The following COQ4 variants were observed in gnomAD, a reference collection of about 807,000 sequenced individuals.
COQ4 encodes the protein ubiquinone biosynthesis protein COQ4 homolog, mitochondrial.
In COQ4, 36 loss-of-function variants were observed where a neutral mutation model predicts 30.2. The ratio of observed to expected loss-of-function variants is 1.19; its 90% CI spans 0.91 to 1.57. The LOEUF (loss-of-function observed/expected upper bound fraction) is 1.57, where lower values mean the gene tolerates loss of function less well. COQ4 is among the 40% of genes most tolerant of loss of function. The pLI, the probability that COQ4 is intolerant of heterozygous loss-of-function variation, is 0.00. For synonymous variants in COQ4, 197 were observed against 161.0 expected (o/e 1.22, Z -1.69); for missense variants, 369 against 371.9 (o/e 0.99, Z 0.07).
intron 6 of COQ4, 36 bp downstream of exon 6, chr9:128,332,979 G>T: frequency 6.6e-7 from 1 of 1,511,080 alleles, no homozygotes; most frequent in Non-Finnish European, 9.2e-7. Flanking sequence ...CGGGGTTGAG[G>T]GTGGTATCAG....
chr9:128,323,478 G>T (rs960500757), intron 2 of COQ4: 2 of 461,054 alleles, frequency 4.3e-6, no homozygotes, highest in Non-Finnish European at 7.5e-6. Context: ...AGTCAACTCC[G>T]AGGTCGAGGA....
rs746503078 is a variant in COQ4, at chr9:128,333,559, G to C, written c.712G>C (p.Glu238Gln). Residue 238 changes from glutamate to glutamine, a missense_variant, in exon 7 of 7, where the codon GAG (glutamate) becomes CAG (glutamine). Glu to Gln is a conservative substitution (Grantham distance 29). Coordinates refer to ENST00000300452, the MANE Select transcript of COQ4 (RefSeq NM_016035.5). ...RAPCVLNLYYERRWEQSLRAL... is the reference protein window; with the variant it reads ...RAPCVLNLYYQRRWEQSLRAL... ...CCCATGTGTCCTCAACCTGTACTATGAGCGGCGCTGGGAGCAGTCCCTGAG... is the reference window on the plus strand; with the variant it reads ...CCCATGTGTCCTCAACCTGTACTATCAGCGGCGCTGGGAGCAGTCCCTGAG... The C allele has an allele frequency of 1.9e-6, 3 of 1,611,124 alleles. No homozygotes were observed. The highest frequency in any genetic ancestry group is 1.7e-6 in the Non-Finnish European group (2 of 1,178,838).
In COQ4 at chr9:128,328,176, C is replaced by T. The variant is rs554641350; in HGVS notation, c.402+2295C>T. On this transcript the variant is annotated intron_variant, in intron 4 of 6. Coordinates refer to ENST00000300452, the MANE Select transcript of COQ4 (RefSeq NM_016035.5). Reference sequence around the variant, plus strand: ...TGGGCTGGAAGGGGAGCCAGGGCTGCGCCCTGTAGGCCACCAGAAGGAGGA... The same window carrying T: ...TGGGCTGGAAGGGGAGCCAGGGCTGTGCCCTGTAGGCCACCAGAAGGAGGA... Among the ~76,000 whole-genome samples, 588 of 152,346 alleles carry T rather than the reference C, an allele frequency of 3.9e-3. 1 individual carries two copies. Among genetic ancestry groups the T allele is most frequent in the Non-Finnish European group, 7.1e-3 (480 of 68,030 alleles).
At chr9:128,331,320 G>A (rs1175036908) in intron 4 of COQ4, 1 of 152,006 alleles carries the variant, frequency 6.6e-6, no homozygotes, top group Admixed American at 6.6e-5. Flanking sequence ...TAAACATCAA[G>A]GTACAGTTAT....
chr9:128,323,098 G>C lies in COQ4; in HGVS notation c.153G>C (p.Leu51=). Residue 51 remains leucine, a synonymous_variant, in exon 2 of 7, where the codon CTG becomes CTC. Coordinates refer to ENST00000300452, the MANE Select transcript of COQ4 (RefSeq NM_016035.5). ...HLPTSPLQKG[L]LAAGSAAMAL... is the part of the protein sequence containing the mutation. The stretch of plus-strand genomic sequence containing the variant: ...CCACCTCCCCGCTGCAGAAAGGGCT[G>C]TTGGCCGCCGGCTCCGCGGCGATGG... The C allele has an allele frequency of 3.7e-6, 6 of 1,611,484 alleles. No individual in the cohort carries two copies. Among genetic ancestry groups the C allele is most frequent in the Middle Eastern group, 1.7e-4 (1 of 6,044 alleles).
Position 128,333,073 on chromosome 9 carries a change from T to C in COQ4, c.626+130T>C, listed in dbSNP as rs1832442303. 3 of 729,416 alleles carry C rather than the reference T, an allele frequency of 4.1e-6. No homozygotes were observed. The South Asian group carries it at 4.7e-5, about 11-fold the overall frequency. 45.2% of individuals were successfully genotyped at this position (729,416 alleles called of 1,614,324 possible). On this transcript the variant is annotated intron_variant, in intron 6 of 6. Transcript: ENST00000300452. The stretch of plus-strand genomic sequence containing the variant: ...CAGCCCGTTCCAGTTCTCCAGGAAG[T>C]AAGGGTAGAAAGAATGGAGCAGAGA...
At position 128,334,044 on chromosome 9, in the gene COQ4, T is replaced by C. The variant is rs1029952136; in HGVS notation, c.*399T>C. 1 of 156,090 alleles carries C rather than the reference T, an allele frequency of 6.4e-6. No individual in the cohort carries two copies. The highest frequency in any genetic ancestry group is 6.6e-5 in the Admixed American group (1 of 15,264). The allele number at this position is 156,090 out of a possible 1,614,324, so 9.7% of individuals were successfully genotyped here. Reference sequence around the variant, plus strand: ...AGAGAGAAGTGGAGGGGGAGGCGAGTGTGTGAATAAAGGCTCCCATCAGGT... The same window carrying C: ...AGAGAGAAGTGGAGGGGGAGGCGAGCGTGTGAATAAAGGCTCCCATCAGGT... On this transcript the variant is annotated 3_prime_UTR_variant, in exon 7 of 7. Transcript: ENST00000300452.
chr9:128,326,734 C>T (rs563467780), intron 4 of COQ4, among the ~76,000 whole-genome samples: 7 of 152,010 alleles, frequency 4.6e-5, no homozygotes, highest in African/African-American at 4.8e-5. Context: ...TGAGCCACAG[C>T]GCCCGGCCCA....
At position 128,322,872 on chromosome 9, in the gene COQ4, T is replaced by C; in HGVS notation, c.14T>C (p.Leu5Pro). The change falls in exon 1 of 7, where the codon CTG (leucine) becomes CCG (proline). Residue 5 changes from leucine to proline, a missense_variant. Physicochemically the swap from Leu to Pro is moderately conservative, Grantham distance 98. Coordinates refer to ENST00000300452, the MANE Select transcript of COQ4 (RefSeq NM_016035.5). ...ACGCCCGCTGCCATGGCGACTCTGC[T>C]GCGCCCTGTCCTCCGTCGGCTCTGC... MATLLRPVLRRLCGL... is the reference protein window; with the variant it reads MATLPRPVLRRLCGL... 1 of 1,579,236 alleles carries C rather than the reference T, an allele frequency of 6.3e-7. No homozygotes were observed. Among genetic ancestry groups the C allele is most frequent in the Non-Finnish European group, 8.6e-7 (1 of 1,166,586 alleles).
chr9:128,331,965 G>A (rs541940764), intron 4 of COQ4, 188 bp from the exon 5 acceptor site: 276 of 575,398 alleles, frequency 4.8e-4, no homozygotes, highest in Non-Finnish European at 7.6e-4. Context: ...CTGATCTCAG[G>A]TGATCCGCCC....
intron 4 of COQ4, among the ~76,000 whole-genome samples, chr9:128,326,839 C>T (rs1363662100): frequency 2.6e-5 from 4 of 152,042 alleles, no homozygotes; most frequent in Non-Finnish European, 5.9e-5. Context: ...AACTCAGCTT[C>T]CTGGGTTCAA....
chr9:128,327,807 TA>T (rs199926522), intron 4 of COQ4, among the ~76,000 whole-genome samples: 2 of 151,528 alleles, frequency 1.3e-5, no homozygotes, highest in East Asian at 1.9e-4. Context: ...GTCTCAAAAA[TA>T]AAAAAAAGTA....
At chr9:128,327,143 A>G (rs548223368) in intron 4 of COQ4, among the ~76,000 whole-genome samples, 1 of 152,106 alleles carries the variant, frequency 6.6e-6, no homozygotes, top group Non-Finnish European at 1.5e-5. Flanking sequence ...AGACAATAAA[A>G]TAGTTTTTAA....
intron 4 of COQ4, among the ~76,000 whole-genome samples, chr9:128,329,377 TTTTA>T (rs904306468): frequency 3.3e-5 from 5 of 152,126 alleles, no homozygotes; most frequent in African/African-American, 7.2e-5. Context: ...TTTTCCTTAT[TTTTA>T]TTTATTTATT....
chr9:128,332,098 A>C, intron 4 of COQ4, 55 bp from the exon 5 acceptor site: 1 of 1,538,124 alleles, frequency 6.5e-7, no homozygotes, highest in Non-Finnish European at 8.8e-7. Flanking sequence ...CAGACTGGCA[A>C]ATCGGGCCCT....
chr9:128,331,448 CTT>C (rs1231692073), intron 4 of COQ4: 1 of 152,386 alleles, frequency 6.6e-6, no homozygotes, highest in Non-Finnish European at 1.5e-5. Context: ...ACAGGGGACA[CTT>C]AACCCAGGTC....
At chr9:128,332,132 G>C in intron 4 of COQ4, 21 bp from the exon 5 acceptor site, 1 of 1,555,122 alleles carries the variant, frequency 6.4e-7, no homozygotes, top group African/African-American at 1.4e-5. Context: ...AAGGGTTCTA[G>C]GGGAGGCTCA....
At chr9:128,326,228 A>G (rs1832318714) in intron 4 of COQ4, 4 of 483,880 alleles carry the variant, frequency 8.3e-6, no homozygotes, top group Non-Finnish European at 1.5e-5. Context: ...CAAACTTGCT[A>G]ATTCCACATA....
intron 5 of COQ4, 31 bp from the exon 6 acceptor site, chr9:128,332,819 G>C (rs370958854): frequency 1.3e-6 from 2 of 1,535,718 alleles, no homozygotes; most frequent in Non-Finnish European, 1.8e-6. Context: ...CAGATAGCTT[G>C]TTCACCTCCC....
Sources: gnomAD v4.1 joint callset for allele counts (sites outside exome capture counted in the v4.1 genomes callset) on GRCh38, gnomAD v4.1.1 for gene constraint, MANE v1.5 for transcripts, NCBI Gene and HGNC (gene_info 2026-07-23, HGNC 2026-07-21) for gene names.